The following FGF14 variants were observed in gnomAD, a reference collection of about 807,000 sequenced individuals.
The protein encoded by FGF14 is fibroblast growth factor 14.
FGF14 carries 5 observed loss-of-function variants against 25.5 expected under a neutral mutation model. The ratio of observed to expected loss-of-function variants is 0.20; its 90% CI spans 0.10 to 0.41. The LOEUF (loss-of-function observed/expected upper bound fraction) is 0.41, where lower values mean the gene tolerates loss of function less well. FGF14 is among the 10% of genes least tolerant of loss of function. FGF14 has a pLI of 1.00. For missense variants in FGF14, 222 were observed against 320.1 expected (o/e 0.69, Z 2.34); for synonymous variants, 138 against 118.3 (o/e 1.17, Z -1.08).
intron 1 of FGF14, among the ~76,000 whole-genome samples, chr13:102,148,190 A>G (rs1247916089): frequency 6.6e-6 from 1 of 152,168 alleles, no homozygotes; most frequent in African/African-American, 2.4e-5. Context: ...CTTATCTTAT[A>G]TTTAAATTCA....
At chr13:102,310,317 G>GAGT (rs2055662823) in intron 1 of FGF14, among the ~76,000 whole-genome samples, 1 of 152,098 alleles carries the variant, frequency 6.6e-6, no homozygotes, top group Non-Finnish European at 1.5e-5. Context: ...TCCTCACTTA[G>GAGT]AGTATATTTT....
At chr13:101,797,735 A>ATGTGTGTGTGTGTG (rs1555384521) in intron 3 of FGF14, among the ~76,000 whole-genome samples, 7 of 33,998 alleles carry the variant, frequency 2.1e-4, no homozygotes, top group African/African-American at 3.2e-4. Context: ...TCATGAATTG[A>ATGTGTGTGTGTGTG]TGTGTGTGTG....
At chr13:102,128,820 T>C (rs886456296) in intron 1 of FGF14, among the ~76,000 whole-genome samples, 3 of 152,204 alleles carry the variant, frequency 2.0e-5, no homozygotes, top group Non-Finnish European at 4.4e-5. Flanking sequence ...AGGTGACTCA[T>C]GCATGTAATC....
chr13:102,163,462 G>C (rs2047866295), intron 1 of FGF14, among the ~76,000 whole-genome samples: 1 of 152,142 alleles, frequency 6.6e-6, no homozygotes. Flanking sequence ...TGCCATCGAG[G>C]AAGTTTAGAG....
intron 3 of FGF14, among the ~76,000 whole-genome samples, chr13:101,781,644 C>T (rs2039498341): frequency 6.6e-6 from 1 of 152,168 alleles, no homozygotes; most frequent in Non-Finnish European, 1.5e-5. Context: ...ATTGCCCAAT[C>T]TAAACTTGTC....
intron 3 of FGF14, among the ~76,000 whole-genome samples, chr13:101,833,837 T>C (rs1375878579): frequency 6.6e-6 from 1 of 152,132 alleles, no homozygotes; most frequent in Non-Finnish European, 1.5e-5. Context: ...TGCTGTTTAA[T>C]TGTAGACTTG....
chr13:101,893,409 G>C (rs867764691), intron 1 of FGF14, among the ~76,000 whole-genome samples: 2 of 152,096 alleles, frequency 1.3e-5, no homozygotes, highest in African/African-American at 4.8e-5. Context: ...TGCTGTGGTG[G>C]AGAGAACAAT....
chr13:101,726,718 A>T lies in FGF14; in HGVS notation c.501T>A (p.Ser167=). The T allele has an allele frequency of 4.3e-6, 7 of 1,613,330 alleles. No homozygotes were observed. Among genetic ancestry groups the T allele is most frequent in the Non-Finnish European group, 5.9e-6 (7 of 1,179,468 alleles). Reference sequence around the variant, plus strand: ...TTAATCCCAAAAACCAGGCTCTACCAGATTCCTGTTGTCTGTACAACATGG... The same window carrying T: ...TTAATCCCAAAAACCAGGCTCTACCTGATTCCTGTTGTCTGTACAACATGG... The part of the protein sequence containing the change: ...YSSMLYRQQE[S]GRAWFLGLNK... Residue 167 remains serine (S), a synonymous_variant, in exon 4 of 5, where the codon TCT becomes TCA. Coordinates refer to ENST00000376143, the MANE Select transcript of FGF14 (RefSeq NM_004115.4).
chr13:102,046,733 G>A lies in FGF14; in HGVS notation c.209-171437C>T, dbSNP rs549325930. On this transcript the variant is annotated intron_variant, in intron 1 of 4. Transcript: ENST00000376131. ...TTCAGAAAATTGTTGAAAAGTACAG[G>A]TGGATAGATGAAAAGCCCTAACATC... 3.7e-4 allele frequency among the ~76,000 whole-genome samples: 57 copies of A among 152,256 alleles called. 1 individual carries two copies. Among genetic ancestry groups the A allele is most frequent in the Admixed American group, 5.2e-4 (8 of 15,286 alleles).
At chr13:102,136,495 A>AC (rs1318249849) in intron 1 of FGF14, among the ~76,000 whole-genome samples, 1 of 152,156 alleles carries the variant, frequency 6.6e-6, no homozygotes, top group Non-Finnish European at 1.5e-5. Context: ...GCTCCAACAC[A>AC]CCCACAGCAT....
At chr13:101,752,787 A>G (rs974898470) in intron 3 of FGF14, among the ~76,000 whole-genome samples, 2 of 152,188 alleles carry the variant, frequency 1.3e-5, no homozygotes, top group Admixed American at 6.5e-5. Context: ...AGCTCCAAAC[A>G]TTATATTTTC....
chr13:102,107,460 T>A (rs1397660419), intron 1 of FGF14, among the ~76,000 whole-genome samples: 1 of 152,088 alleles, frequency 6.6e-6, no homozygotes, highest in African/African-American at 2.4e-5. Flanking sequence ...TTGATTCAAC[T>A]CAATGTACAT....
chr13:102,076,076 G>A (rs926641719), intron 1 of FGF14, among the ~76,000 whole-genome samples: 3 of 152,012 alleles, frequency 2.0e-5, no homozygotes, highest in South Asian at 2.1e-4. Context: ...AGGTTAATTC[G>A]TTATTAAAGA....
chr13:102,346,476 T>C (rs1251108686), intron 1 of FGF14, among the ~76,000 whole-genome samples: 1 of 152,120 alleles, frequency 6.6e-6, no homozygotes, highest in Non-Finnish European at 1.5e-5. Flanking sequence ...TTATCCACTA[T>C]GTCACATTGC....
chr13:102,075,649 T>C (rs548377085), intron 1 of FGF14, among the ~76,000 whole-genome samples: 1 of 152,216 alleles, frequency 6.6e-6, no homozygotes, highest in Non-Finnish European at 1.5e-5. Flanking sequence ...TTTTAGAGTG[T>C]ACTCCTAACT....
chr13:102,068,610 C>A (rs2043006850), intron 1 of FGF14, among the ~76,000 whole-genome samples: 2 of 152,226 alleles, frequency 1.3e-5, no homozygotes, highest in Non-Finnish European at 2.9e-5. Flanking sequence ...AGCGACTTGG[C>A]ACCCGGGCCA....
At chr13:101,829,943 C>A (rs1249331797) in intron 3 of FGF14, among the ~76,000 whole-genome samples, 1 of 152,052 alleles carries the variant, frequency 6.6e-6, no homozygotes, top group Non-Finnish European at 1.5e-5. Flanking sequence ...GACTTAGAAT[C>A]ATAGGCTTCA....
At chr13:101,829,391 A>G (rs1440472519) in intron 3 of FGF14, among the ~76,000 whole-genome samples, 1 of 152,112 alleles carries the variant, frequency 6.6e-6, no homozygotes, top group Non-Finnish European at 1.5e-5. Flanking sequence ...ATAAGAGAAT[A>G]AAAATTGTAT....
intron 1 of FGF14, among the ~76,000 whole-genome samples, chr13:102,200,617 TTG>T (rs2049572773): frequency 1.9e-5 from 1 of 53,996 alleles, no homozygotes; most frequent in Non-Finnish European, 3.4e-5. Flanking sequence ...TCCCATTTGA[TTG>T]TTTTTTTTTT....
Sources: allele counts gnomAD v4.1 joint callset (sites outside exome capture counted in the v4.1 genomes callset), GRCh38; gene constraint gnomAD v4.1.1; transcripts MANE v1.5; gene names NCBI Gene and HGNC (gene_info 2026-07-23, HGNC 2026-07-21).